The following POU3F3 variants were observed in gnomAD, a reference collection of about 807,000 sequenced individuals.
The protein encoded by POU3F3 is POU class 3 homeobox 3.
POU3F3 carries 1 observed loss-of-function variant against 8.6 expected under a neutral mutation model. That is an observed-to-expected ratio of 0.12 (90% CI 0.04 to 0.55). POU3F3 has a LOEUF of 0.55. Among genes scored for constraint, POU3F3 ranks in the 20% least tolerant of loss-of-function variants. The pLI, the probability that POU3F3 is intolerant of heterozygous loss-of-function variation, is 0.91. For synonymous variants in POU3F3, 418 were observed against 327.4 expected (o/e 1.28, Z -2.99); for missense variants, 577 against 690.7 (o/e 0.84, Z 1.84).
chr2:104,899,167 G>A, the POU3F3 span, among the ~76,000 whole-genome samples: 1 of 152,198 alleles, frequency 6.6e-6, no homozygotes, highest in African/African-American at 2.4e-5. Context: ...CCTGACACGG[G>A]AAAATTCACA....
the POU3F3 span, among the ~76,000 whole-genome samples, chr2:104,878,102 C>G: frequency 4.6e-5 from 7 of 152,176 alleles, no homozygotes; most frequent in Admixed American, 4.6e-4. Flanking sequence ...ACAGACTAAC[C>G]AGAAACTGGC....
chr2:104,899,170 A>G, the POU3F3 span, among the ~76,000 whole-genome samples: 9 of 152,324 alleles, frequency 5.9e-5, no homozygotes, highest in East Asian at 5.8e-4. Flanking sequence ...GACACGGGAA[A>G]ATTCACAGAC....
At chr2:104,860,660 C>T (rs1465537891), downstream of POU3F3, among the ~76,000 whole-genome samples, 2 of 151,870 alleles carry the variant, frequency 1.3e-5, no homozygotes, top group African/African-American at 2.4e-5. Context: ...TCCAAGCCTC[C>T]GTCGCTCCCA....
chr2:104,903,094 A>G, the POU3F3 span, among the ~76,000 whole-genome samples: 1 of 152,208 alleles, frequency 6.6e-6, no homozygotes, highest in African/African-American at 2.4e-5. Context: ...TTCTATCAAA[A>G]CTGTCTGCTA....
At position 104,856,385 on chromosome 2, in the gene POU3F3, C is replaced by A. The variant is rs752015441; in HGVS notation, c.875C>A (p.Pro292Gln). 145 of 1,560,682 alleles carry A rather than the reference C, an allele frequency of 9.3e-5. 1 individual carries two copies. The highest frequency in any genetic ancestry group is 3.2e-4 in the Admixed American group (17 of 52,358). Reference protein sequence around the residue: ...PPHPHHAQGPPHHGGGGGGAG... With the variant: ...PPHPHHAQGPQHHGGGGGGAG... ...CACCCGCACCACGCGCAGGGACCCC[C>A]GCACCACGGCGGCGGCGGCGGCGGC... Residue 292 changes from proline to glutamine, a missense_variant, in exon 1 of 1, where the codon CCG becomes CAG. Around this residue, in one of 7 missense-constraint regions of POU3F3, gnomAD observed 484 missense variants for 422.6 expected, o/e 1.15. Transcript: ENST00000361360.
chr2:104,914,649 T>C, the POU3F3 span, among the ~76,000 whole-genome samples: 5 of 152,264 alleles, frequency 3.3e-5, no homozygotes, highest in Admixed American at 2.0e-4. Flanking sequence ...TGTCTGGCGA[T>C]TGGAAGACTG....
chr2:104,869,936 G>A, the POU3F3 span: 4,880 of 152,268 alleles, frequency 0.032, 170 homozygotes, highest in East Asian at 0.13. Flanking sequence ...AGTTCTCAGG[G>A]TGCCTCTTGG....
the POU3F3 span, among the ~76,000 whole-genome samples, chr2:104,880,789 C>T: frequency 3.9e-5 from 6 of 152,172 alleles, no homozygotes; most frequent in South Asian, 2.1e-4. Context: ...CACCATGTCA[C>T]GTCTTCTGTG....
the POU3F3 span, among the ~76,000 whole-genome samples, chr2:104,873,092 T>C: frequency 6.6e-6 from 1 of 152,268 alleles, no homozygotes; most frequent in South Asian, 2.1e-4. Context: ...TAGGTAACCT[T>C]ACACTGAACA....
the POU3F3 span, among the ~76,000 whole-genome samples, chr2:104,918,119 C>G: frequency 6.6e-6 from 1 of 152,200 alleles, no homozygotes; most frequent in African/African-American, 2.4e-5. Flanking sequence ...CTGTGCATAT[C>G]TCCCTTTGGA....
At chr2:104,925,196 C>A in the POU3F3 span, among the ~76,000 whole-genome samples, 5 of 152,180 alleles carry the variant, frequency 3.3e-5, no homozygotes, top group African/African-American at 1.2e-4. Context: ...TCTCCACCAG[C>A]AATCCTGTCT....
the POU3F3 span, among the ~76,000 whole-genome samples, chr2:104,924,965 G>C: frequency 6.6e-6 from 1 of 152,202 alleles, no homozygotes; most frequent in African/African-American, 2.4e-5. Context: ...GAGCATTATA[G>C]ACATGGCAAT....
At chr2:104,887,983 G>A in the POU3F3 span, among the ~76,000 whole-genome samples, 5 of 152,178 alleles carry the variant, frequency 3.3e-5, no homozygotes, top group African/African-American at 1.2e-4. Context: ...TTCTTTTGTA[G>A]GAACACTGCA....
downstream of POU3F3, among the ~76,000 whole-genome samples, chr2:104,859,033 A>G (rs192382725): frequency 1.3e-4 from 19 of 150,420 alleles, no homozygotes; most frequent in African/African-American, 3.9e-4. Flanking sequence ...TCTCAAGACT[A>G]TAGTTGTTAG....
the POU3F3 span, among the ~76,000 whole-genome samples, chr2:104,883,170 T>A: frequency 6.6e-6 from 1 of 152,194 alleles, no homozygotes; most frequent in East Asian, 1.9e-4. Flanking sequence ...GGAGCCTGCA[T>A]TTCTGATCTG....
chr2:104,897,396 C>T, the POU3F3 span, among the ~76,000 whole-genome samples: 3 of 152,120 alleles, frequency 2.0e-5, no homozygotes, highest in Admixed American at 2.0e-4. Flanking sequence ...TTTGGTAGAA[C>T]CACACCTGGG....
chr2:104,915,622 G>C, the POU3F3 span, among the ~76,000 whole-genome samples: 1 of 152,050 alleles, frequency 6.6e-6, no homozygotes, highest in Non-Finnish European at 1.5e-5. Flanking sequence ...AGTGGAGACT[G>C]GGCCAAAACT....
chr2:104,921,222 G>A, the POU3F3 span, among the ~76,000 whole-genome samples: 657 of 152,186 alleles, frequency 4.3e-3, 4 homozygotes, highest in African/African-American at 0.015. Context: ...AGTGGTGTAC[G>A]CTTCATAGCC....
chr2:104,858,952 T>C (rs1676624163), downstream of POU3F3, among the ~76,000 whole-genome samples: 1 of 151,630 alleles, frequency 6.6e-6, no homozygotes, highest in Non-Finnish European at 1.5e-5. Context: ...ATACAGCCCC[T>C]CCCCCCAAGT....
Sources: gnomAD v4.1 joint callset for allele counts (sites outside exome capture counted in the v4.1 genomes callset) on GRCh38, gnomAD v4.1.1 for gene constraint, gnomAD v4.1.1 regional missense constraint, MANE v1.5 for transcripts, NCBI Gene and HGNC (gene_info 2026-07-23, HGNC 2026-07-21) for gene names.